Variants in NHSL1 observed in about 807,000 individuals in gnomAD.
The protein encoded by NHSL1 is NHS-like protein 1.
Under a neutral mutation model 95.0 loss-of-function variants are expected in NHSL1, and 48 were observed. The observed-to-expected ratio is 0.51, with a 90% CI of 0.40 to 0.64. The LOEUF (loss-of-function observed/expected upper bound fraction) is 0.64. Ranked by LOEUF, NHSL1 falls within the 30% of genes least tolerant of loss-of-function variation. The pLI is 0.00. For synonymous variants in NHSL1, 783 were observed against 833.9 expected (o/e 0.94, Z 1.05); for missense variants, 1,971 against 2,077.7 (o/e 0.95, Z 1.00).
chr6:138,582,483 C>A (rs963710040), intron 1 of NHSL1, among the ~76,000 whole-genome samples: 6 of 152,180 alleles, frequency 3.9e-5, no homozygotes, highest in African/African-American at 1.4e-4. Context: ...TTCAGTCACC[C>A]TGTTCTAGAC....
chr6:138,472,161 G>T (rs567092554), intron 3 of NHSL1, among the ~76,000 whole-genome samples: 1 of 131,760 alleles, frequency 7.6e-6, no homozygotes, highest in African/African-American at 3.0e-5. Context: ...CAGCCTGGGC[G>T]ACAGAGCAAG....
chr6:138,673,166 C>T lies in NHSL1; in HGVS notation c.96+19310G>A, dbSNP rs967789601. Among the ~76,000 whole-genome samples, 12 of 152,154 alleles carry T rather than the reference C, an allele frequency of 7.9e-5. No homozygotes were observed. In the East Asian group the frequency reaches 2.3e-3, roughly 29 times the overall value. Reference sequence around the variant, plus strand: ...ATTCCTGTAACTTGGAATCCAGTAACTTGATTGGAATTTCACTGTAAAAAC... The same window carrying T: ...ATTCCTGTAACTTGGAATCCAGTAATTTGATTGGAATTTCACTGTAAAAAC... On this transcript the variant is annotated intron_variant, in intron 1 of 3. Coordinates refer to the NHSL1 transcript ENST00000491526.
chr6:138,545,067 T>C (rs918573610), intron 1 of NHSL1, among the ~76,000 whole-genome samples: 7 of 140,820 alleles, frequency 5.0e-5, no homozygotes, highest in African/African-American at 1.8e-4. Context: ...CTCGGCTCAC[T>C]GCAACATCCA....
intron 1 of NHSL1, among the ~76,000 whole-genome samples, chr6:138,589,768 CATCAGACAGCAA>C (rs1727461802): frequency 2.0e-5 from 3 of 151,610 alleles, no homozygotes; most frequent in Non-Finnish European, 4.4e-5. Context: ...TGATCCTCTA[CATCAGACAGCAA>C]ATCGCCTCTC....
intron 1 of NHSL1, among the ~76,000 whole-genome samples, chr6:138,690,389 C>T (rs1785648319): frequency 1.3e-5 from 2 of 151,710 alleles, no homozygotes; most frequent in Non-Finnish European, 2.9e-5. Context: ...TCTACATGTA[C>T]ATTTATACTC....
chr6:138,534,685 A>G (rs1562354717), intron 1 of NHSL1, among the ~76,000 whole-genome samples: 1 of 152,236 alleles, frequency 6.6e-6, no homozygotes, highest in Non-Finnish European at 1.5e-5. Context: ...CAGAAACTCT[A>G]TCAAACTTGG....
At chr6:138,569,270 T>TGTGTGA (rs1554253158) in intron 1 of NHSL1, among the ~76,000 whole-genome samples, 8 of 149,586 alleles carry the variant, frequency 5.3e-5, no homozygotes, top group South Asian at 2.1e-4. Flanking sequence ...TGTGTGTGTG[T>TGTGTGA]GAGAGAGAGA....
rs1358604887 is a variant in NHSL1, at chr6:138,430,683, C to A, written c.3662G>T (p.Ser1221Ile). The A allele has an allele frequency of 2.0e-5, 31 of 1,551,608 alleles. No homozygotes were observed. The East Asian group carries it at 6.1e-4, about 31-fold the overall frequency. The change falls in exon 6 of 8, where the codon AGC becomes ATC. Residue 1221 changes from serine (S) to isoleucine (I), a missense_variant. Coordinates refer to ENST00000343505, the MANE Select transcript of NHSL1 (RefSeq NM_001144060.2). The surrounding 1 kb of genome is among the most constrained non-coding windows in gnomAD (Gnocchi z 4.7). ...GCTGGGCACAGCTCGGAGGGCTTCG[C>A]TCACGTTCTCTGCGGGCTCCACTGC... Reference protein sequence around the residue: ...DFAVEPAENVSEALRAVPSPT... With the variant: ...DFAVEPAENVIEALRAVPSPT...
At chr6:138,608,831 C>T (rs1784469744) in intron 1 of NHSL1, among the ~76,000 whole-genome samples, 4 of 152,200 alleles carry the variant, frequency 2.6e-5, no homozygotes, top group Admixed American at 2.0e-4. Flanking sequence ...TTGAGACCAT[C>T]CCTCCCTTTT....
intron 1 of NHSL1, among the ~76,000 whole-genome samples, chr6:138,519,618 T>A (rs1310312562): frequency 1.3e-5 from 2 of 152,104 alleles, no homozygotes; most frequent in Non-Finnish European, 2.9e-5. Context: ...AGTGGGAAAA[T>A]CTTGTGAAAA....
In NHSL1 at chr6:138,433,751, CCT is replaced by C. The variant is rs1040396026; in HGVS notation, c.665-73_665-72del. On this transcript the variant is annotated intron_variant, in intron 5 of 7. Transcript: ENST00000343505. ...ATAGTTCATCACGTGTACCCTCACC[CCT>C]CTGACAGAATTTTAAAAAAATTTTT... 3.8e-5 allele frequency: 53 copies of C among 1,382,976 alleles called. No individual in the cohort carries two copies. In the African/African-American group the frequency reaches 7.4e-4, roughly 19 times the overall value. The allele number at this position is 1,382,976 out of a possible 1,614,324, so 85.7% of individuals were successfully genotyped here.
intron 1 of NHSL1, among the ~76,000 whole-genome samples, chr6:138,670,078 G>A (rs1482416237): frequency 2.0e-5 from 3 of 151,994 alleles, no homozygotes; most frequent in Non-Finnish European, 2.9e-5. Flanking sequence ...CCGAAATCAC[G>A]CCACTGCACT....
chr6:138,673,950 C>G (rs953153770), intron 1 of NHSL1, among the ~76,000 whole-genome samples: 139 of 152,242 alleles, frequency 9.1e-4, no homozygotes, highest in African/African-American at 3.3e-3. Context: ...ACATACACAC[C>G]ACAATCTTTA....
chr6:138,499,991 G>A (rs555174859), upstream of NHSL1, among the ~76,000 whole-genome samples: 59 of 152,078 alleles, frequency 3.9e-4, no homozygotes, highest in Admixed American at 3.5e-3. Context: ...AGGATGCTCT[G>A]TCTTCTCACC....
At chr6:138,625,922 T>C (rs1784731893) in intron 1 of NHSL1, among the ~76,000 whole-genome samples, 1 of 152,220 alleles carries the variant, frequency 6.6e-6, no homozygotes. Flanking sequence ...GGAATACAGG[T>C]GTGACCCACC....
chr6:138,595,044 T>C (rs1784284597), intron 1 of NHSL1, among the ~76,000 whole-genome samples: 1 of 152,200 alleles, frequency 6.6e-6, no homozygotes, highest in South Asian at 2.1e-4. Context: ...CTTTAGAAAT[T>C]CAAAACCAGA....
rs1326247662 is a variant in NHSL1 at position 138,485,489 on chromosome 6, C to T, written c.211+10730G>A. Among the ~76,000 whole-genome samples, 4 of 149,822 alleles carry T rather than the reference C, an allele frequency of 2.7e-5. No homozygotes were observed. The East Asian group carries it at 5.9e-4, about 22-fold the overall frequency. Reference sequence around the variant, plus strand: ...AAAAGGTATGGGGGTGGGGGCAACACGTCTCTTTAACTATCTGAAAAAGCA... The same window carrying T: ...AAAAGGTATGGGGGTGGGGGCAACATGTCTCTTTAACTATCTGAAAAAGCA... On this transcript the variant is annotated intron_variant, in intron 2 of 7. Transcript: ENST00000343505.
At chr6:138,446,938 A>G (rs1348889081) in intron 4 of NHSL1, 63 bp downstream of exon 4, 1 of 1,466,794 alleles carries the variant, frequency 6.8e-7, no homozygotes, top group South Asian at 1.2e-5. Context: ...TAACAGCATA[A>G]AACAAAAAGC....
rs563412189 is a variant in NHSL1 at position 138,542,291 on chromosome 6, G to A, written c.16+3332C>T. ...TCCTGGAGCCTTCAGAGGGAGCACG[G>A]CCCTGCCAACTCCTTGATTTCAGAC... On this transcript the variant is annotated intron_variant, in intron 1 of 4. Transcript: ENST00000342260. 2.6e-5 allele frequency among the ~76,000 whole-genome samples: 4 copies of A among 152,296 alleles called. No homozygotes were observed. The East Asian group carries it at 5.8e-4, about 22-fold the overall frequency.
Sources: allele counts gnomAD v4.1 joint callset (sites outside exome capture counted in the v4.1 genomes callset), GRCh38; gene constraint gnomAD v4.1.1; non-coding constraint Gnocchi (gnomAD v3.1); transcripts MANE v1.5; gene names NCBI Gene and HGNC (gene_info 2026-07-23, HGNC 2026-07-21).